RHCE: variants seen among roughly 807,000 people sequenced by gnomAD.
The protein encoded by RHCE is Rh blood group CcEe antigens.
A neutral mutation model predicts 43.8 loss-of-function variants in RHCE; 22 were observed. That is an observed-to-expected ratio of 0.50 (90% CI 0.36 to 0.72). The LOEUF (loss-of-function observed/expected upper bound fraction) is 0.72. Ranked by LOEUF, RHCE falls within the 30% of genes least tolerant of loss-of-function variation. RHCE has a pLI of 0.00. For missense variants in RHCE, 385 were observed against 525.4 expected (o/e 0.73, Z 2.61); for synonymous variants, 156 against 210.7 (o/e 0.74, Z 2.25).
At chr1:25,416,791 AG>A (rs1449278548) in intron 1 of RHCE, among the ~76,000 whole-genome samples, 1 of 97,556 alleles carries the variant, frequency 1.0e-5, no homozygotes, top group African/African-American at 5.5e-5. Context: ...TAAATTTTAC[AG>A]TTTTTTTTTT....
At chr1:25,391,645 C>T (rs1362626050) in intron 4 of RHCE, among the ~76,000 whole-genome samples, 1 of 152,116 alleles carries the variant, frequency 6.6e-6, no homozygotes, top group Non-Finnish European at 1.5e-5. Context: ...CAAAGTACAA[C>T]ATTATTACTA....
In RHCE at chr1:25,373,321, G is replaced by A. The variant is rs1645671632; in HGVS notation, c.1153+2028C>T. On this transcript the variant is annotated intron_variant, in intron 8 of 9. Transcript: ENST00000294413. ...GTGAATAGTGTGAGTCCCAGGACAG[G>A]GTTGCCAAATAAAATGCAGGATACC... Among the ~76,000 whole-genome samples the A allele has an allele frequency of 2.0e-5, 3 of 151,570 alleles. No homozygotes were observed. In the South Asian group the frequency reaches 6.2e-4, roughly 31 times the overall value.
At chr1:25,387,546 T>C (rs1646216433) in intron 6 of RHCE, among the ~76,000 whole-genome samples, 2 of 152,354 alleles carry the variant, frequency 1.3e-5, no homozygotes, top group South Asian at 2.1e-4. Context: ...GGGAATGCGA[T>C]GGGCGCTGAG....
chr1:25,374,248 C>A (rs991584834), intron 8 of RHCE, among the ~76,000 whole-genome samples: 1 of 151,854 alleles, frequency 6.6e-6, no homozygotes, highest in African/African-American at 2.4e-5. Flanking sequence ...ACCACCACGC[C>A]TGGCTAATTT....
intron 6 of RHCE, among the ~76,000 whole-genome samples, chr1:25,387,576 G>A (rs1054231160): frequency 2.6e-5 from 4 of 152,218 alleles, no homozygotes; most frequent in African/African-American, 9.6e-5. Context: ...AACTTGCTAT[G>A]TGTTCTTTTT....
chr1:25,402,779 G>C (rs753120156), intron 2 of RHCE, 33 bp from the exon 3 acceptor site: 9 of 1,613,300 alleles, frequency 5.6e-6, no homozygotes, highest in South Asian at 5.5e-5. Context: ...GGATGACTGA[G>C]AAGGAAGGAT....
Position 25,402,700 on chromosome 1 carries a change from C to G in RHCE, c.382G>C (p.Gly128Arg), listed in dbSNP as rs369664408. 6.2e-7 allele frequency: 1 copy of G among 1,614,134 alleles called. No individual in the cohort carries two copies. Among genetic ancestry groups the G allele is most frequent in the Admixed American group, 1.7e-5 (1 of 60,012 alleles). The change falls in exon 3 of 10, where the codon GGT (glycine) becomes CGT (arginine). Residue 128 changes from glycine to arginine, a missense_variant. By Grantham distance (125) the Gly-to-Arg change is moderately radical. This residue lies in a region of RHCE where 110 missense variants were observed against 192.1 expected (regional missense o/e 0.57). Transcript: ENST00000294413. Reference protein sequence around the residue: ...MSAMSVLISAGAVLGKVNLAQ... With the variant: ...MSAMSVLISARAVLGKVNLAQ... Reference sequence around the variant, plus strand: ...AAGTTGACCTTCCCCAAGACAGCACCCGCTGAGATCAGCACCGACATAGCA... The same window carrying G: ...AAGTTGACCTTCCCCAAGACAGCACGCGCTGAGATCAGCACCGACATAGCA...
intron 9 of RHCE, among the ~76,000 whole-genome samples, chr1:25,368,213 ACTCT>A (rs1241361155): frequency 3.1e-5 from 4 of 130,080 alleles, no homozygotes; most frequent in South Asian, 5.5e-4. Flanking sequence ...AACTTGATTG[ACTCT>A]CTCTTAGCTA....
rs1412021250 is a variant in RHCE at position 25,370,540 on chromosome 1, C to A, written c.1154G>T (p.Gly385Val). Reference protein sequence around the residue: ...VIALTSGLLTGLLLNLKIWKA... With the variant: ...VIALTSGLLTVLLLNLKIWKA... ...CCATATTTTGAGATTTAGGAGCAAA[C>A]CTGTTTAAATGCATAATTTAATGTT... The change falls in exon 9 of 10, where the codon GGT becomes GTT. Residue 385 changes from glycine to valine, a missense_variant and splice_region_variant. By Grantham distance (109) the Gly-to-Val change is moderately radical (BLOSUM62 -3). Around this residue, in one of 6 missense-constraint regions of RHCE, gnomAD observed 26 missense variants for 37.1 expected, o/e 0.70. Transcript: ENST00000294413. 3 of 1,609,218 alleles carry A rather than the reference C, an allele frequency of 1.9e-6. No individual in the cohort carries two copies. Among genetic ancestry groups the A allele is most frequent in the East Asian group, 2.2e-5 (1 of 44,774 alleles).
rs773500935 is a variant in RHCE at position 25,390,892 on chromosome 1, A to C, written c.658T>G (p.Trp220Gly). Residue 220 changes from tryptophan (W) to glycine (G), a missense_variant, in exon 5 of 10, where the codon TGG becomes GGG. This residue lies in a region of RHCE where 110 missense variants were observed against 103.4 expected (regional missense o/e 1.06). Coordinates refer to ENST00000294413, the MANE Select transcript of RHCE (RefSeq NM_020485.8). ...AGCAGAGCAGAGTTGACACTTGGCC[A>C]GAACATCCACAAGAAGAGGGCGCCT... Reference protein sequence around the residue: ...MLGALFLWMFWPSVNSALLRS... With the variant: ...MLGALFLWMFGPSVNSALLRS... 1 of 1,614,104 alleles carries C rather than the reference A, an allele frequency of 6.2e-7. No individual in the cohort carries two copies. The highest frequency in any genetic ancestry group is 1.3e-5 in the African/African-American group (1 of 74,946).
intron 7 of RHCE, among the ~76,000 whole-genome samples, chr1:25,380,899 C>CTT (rs898980956): frequency 1.1e-3 from 139 of 128,924 alleles, no homozygotes; most frequent in African/African-American, 2.2e-3. Context: ...TTCTTTCTTC[C>CTT]TTTTTTTTTT....
chr1:25,380,932 C>T (rs1483728254), intron 7 of RHCE, among the ~76,000 whole-genome samples: 7 of 133,320 alleles, frequency 5.3e-5, no homozygotes, highest in Non-Finnish European at 6.2e-5. Flanking sequence ...GATGGAGTCT[C>T]GCTTTGTCGC....
intron 7 of RHCE, among the ~76,000 whole-genome samples, chr1:25,382,284 A>G (rs1646025124): frequency 6.7e-6 from 1 of 149,008 alleles, no homozygotes. Flanking sequence ...ATGTACAAAA[A>G]CAGACAAAAC....
At chr1:25,401,879 C>CTT (rs1206506566) in intron 3 of RHCE, among the ~76,000 whole-genome samples, 1 of 147,476 alleles carries the variant, frequency 6.8e-6, no homozygotes, top group Non-Finnish European at 1.5e-5. Context: ...TTTCTTTTTT[C>CTT]TTTTTTTTTT....
At chr1:25,430,177 C>T (rs897867991) in exon 1 of RHCE, 3 of 152,154 alleles carry the variant, frequency 2.0e-5, no homozygotes, top group African/African-American at 4.8e-5. Context: ...CGCACCGCCG[C>T]ACACGCCCCG....
chr1:25,400,880 A>C (rs1646716926), intron 3 of RHCE, among the ~76,000 whole-genome samples: 1 of 152,112 alleles, frequency 6.6e-6, no homozygotes, highest in Non-Finnish European at 1.5e-5. Flanking sequence ...CCCCACGTGC[A>C]GTCTATCAGC....
At chr1:25,391,174 CTTATT>C (rs1489234480) in intron 4 of RHCE, among the ~76,000 whole-genome samples, 1 of 152,082 alleles carries the variant, frequency 6.6e-6, no homozygotes, top group African/African-American at 2.4e-5. Flanking sequence ...TGGTCAAATG[CTTATT>C]TTAATTTTTT....
intron 7 of RHCE, among the ~76,000 whole-genome samples, chr1:25,381,545 C>T (rs1336922749): frequency 6.6e-6 from 1 of 151,736 alleles, no homozygotes; most frequent in Non-Finnish European, 1.5e-5. Context: ...CAACCTCTGC[C>T]TCCTGGGTTC....
chr1:25,377,501 A>C (rs1645825066), intron 7 of RHCE, among the ~76,000 whole-genome samples: 2 of 152,120 alleles, frequency 1.3e-5, no homozygotes, highest in Non-Finnish European at 2.9e-5. Context: ...GGCTGCAAAA[A>C]TTCTTAAACA....
Sources: gnomAD v4.1 joint callset for allele counts (sites outside exome capture counted in the v4.1 genomes callset) on GRCh38, gnomAD v4.1.1 for gene constraint, gnomAD v4.1.1 regional missense constraint, MANE v1.5 for transcripts, NCBI Gene and HGNC (gene_info 2026-07-23, HGNC 2026-07-21) for gene names.